The following IMPG2 variants were observed in gnomAD, a reference collection of about 807,000 sequenced individuals.
The protein encoded by IMPG2 is interphotoreceptor matrix proteoglycan 2.
Under a neutral mutation model 129.2 loss-of-function variants are expected in IMPG2, and 91 were observed. The observed-to-expected ratio is 0.70, with a 90% CI of 0.59 to 0.84. The LOEUF (loss-of-function observed/expected upper bound fraction) is 0.84, where lower values mean the gene tolerates loss of function less well. Among genes scored for constraint, IMPG2 ranks in the 40% least tolerant of loss-of-function variants. The probability of loss-of-function intolerance (pLI) is 0.00; values close to 1 mark genes in which losing one functional copy is unlikely to be tolerated. For synonymous variants in IMPG2, 510 were observed against 517.7 expected (o/e 0.99, Z 0.20); for missense variants, 1,430 against 1,461.7 (o/e 0.98, Z 0.35).
chr3:101,308,343 C>T (rs1707225957), intron 2 of IMPG2, among the ~76,000 whole-genome samples: 1 of 152,244 alleles, frequency 6.6e-6, no homozygotes, highest in East Asian at 1.9e-4. Flanking sequence ...ATGAGGGCTC[C>T]ACCCCTGCAA....
At chr3:101,286,194 G>C (rs1329203078) in intron 4 of IMPG2, among the ~76,000 whole-genome samples, 1 of 151,792 alleles carries the variant, frequency 6.6e-6, no homozygotes, top group Admixed American at 6.6e-5. Context: ...ACAATGTCTG[G>C]CCTATAACTA....
intron 3 of IMPG2, among the ~76,000 whole-genome samples, chr3:101,291,861 A>G (rs1177633710): frequency 6.6e-6 from 1 of 152,202 alleles, no homozygotes; most frequent in Non-Finnish European, 1.5e-5. Context: ...ATAATTTTTT[A>G]TCTAATGTAT....
intron 4 of IMPG2, among the ~76,000 whole-genome samples, chr3:101,290,445 G>A (rs771393015): frequency 1.6e-4 from 25 of 152,152 alleles, no homozygotes; most frequent in Non-Finnish European, 3.1e-4. Context: ...GGAGCACGAG[G>A]CTGCAGTGAG....
intron 2 of IMPG2, among the ~76,000 whole-genome samples, chr3:101,313,848 A>G (rs2058769087): frequency 6.6e-6 from 1 of 152,148 alleles, no homozygotes; most frequent in South Asian, 2.1e-4. Flanking sequence ...TAAGGAATAT[A>G]CCCAAAAAAG....
At chr3:101,262,928 G>A (rs1488639320) in intron 9 of IMPG2, among the ~76,000 whole-genome samples, 1 of 151,644 alleles carries the variant, frequency 6.6e-6, no homozygotes, top group Non-Finnish European at 1.5e-5. Context: ...CAGACTTCAA[G>A]TCCAAAGTTG....
At chr3:101,263,365 A>C (rs1390845430) in intron 9 of IMPG2, among the ~76,000 whole-genome samples, 1 of 152,034 alleles carries the variant, frequency 6.6e-6, no homozygotes, top group Non-Finnish European at 1.5e-5. Context: ...ATCTTACCTG[A>C]CCACAATGGA....
At chr3:101,319,097 G>C (rs1157833491) in intron 2 of IMPG2, among the ~76,000 whole-genome samples, 1 of 152,006 alleles carries the variant, frequency 6.6e-6, no homozygotes, top group Non-Finnish European at 1.5e-5. Context: ...AAGCTATTTT[G>C]TGGGTATACT....
chr3:101,267,287 C>T (rs1352078285), intron 9 of IMPG2, among the ~76,000 whole-genome samples: 1 of 152,102 alleles, frequency 6.6e-6, no homozygotes, highest in Non-Finnish European at 1.5e-5. Flanking sequence ...CTGATAGTGG[C>T]AGAATTGAGT....
rs958298295 is a variant in IMPG2 at position 101,244,889 on chromosome 3, G to A, written c.1544-102C>T. 1.5e-4 allele frequency: 149 copies of A among 979,850 alleles called. 1 individual carries two copies. The highest frequency in any genetic ancestry group is 2.1e-4 in the Non-Finnish European group (136 of 636,734). The allele number at this position is 979,850 out of a possible 1,614,324, so 60.7% of individuals were successfully genotyped here. On this transcript the variant is annotated intron_variant, in intron 12 of 18. Coordinates refer to ENST00000193391, the MANE Select transcript of IMPG2 (RefSeq NM_016247.4). Reference sequence around the variant, plus strand: ...GCCTGTTTTTTCCCTGTGAAGTTAAGAGGGACAATTGTTGACTTTTGCTTT... The same window carrying A: ...GCCTGTTTTTTCCCTGTGAAGTTAAAAGGGACAATTGTTGACTTTTGCTTT...
At chr3:101,304,461 G>C in intron 2 of IMPG2, 149 bp from the exon 3 acceptor site, 1 of 702,848 alleles carries the variant, frequency 1.4e-6, no homozygotes, top group Middle Eastern at 2.5e-4. Flanking sequence ...AAGGCCTTCT[G>C]TATGTATGTC....
rs1446576136 is a variant in IMPG2, at chr3:101,304,294, C to T, written c.353G>A (p.Trp118Ter). Residue 118 changes from tryptophan to a stop codon, truncating the protein, a stop_gained, in exon 3 of 19, where the codon TGG (tryptophan) becomes TAG (stop). Coordinates refer to ENST00000193391, the MANE Select transcript of IMPG2 (RefSeq NM_016247.4). LOFTEE classifies it high-confidence loss of function. ...FKVRVCQEAV[W>*]EAFRTFWDRL... ...ATCCCAAAAAGTCCTGAAGGCTTCC[C>T]AGACAGCTTCCTGACACACTAGAAA... is the stretch of plus-strand genomic sequence containing the variant. 1 of 1,613,736 alleles carries T rather than the reference C, an allele frequency of 6.2e-7. No homozygotes were observed. The highest frequency in any genetic ancestry group is 1.3e-5 in the African/African-American group (1 of 74,932).
chr3:101,233,015 T>C, intron 14 of IMPG2, 24 bp from the exon 15 acceptor site: 3 of 1,611,364 alleles, frequency 1.9e-6, no homozygotes, highest in Non-Finnish European at 2.5e-6. Context: ...CAAAGAATAA[T>C]GCAAGAAAAG....
chr3:101,256,189 G>GAAAGAAAGAAAGAAAGAAAGAAAGAAAGA (rs1706603356), intron 10 of IMPG2, among the ~76,000 whole-genome samples: 2 of 147,310 alleles, frequency 1.4e-5, no homozygotes, highest in African/African-American at 5.0e-5. Flanking sequence ...AAGAAAGAAA[G>GAAAGAAAGAAAGAAAGAAAGAAAGAAAGA]AAAGAAAGAA....
At chr3:101,304,052 G>C in intron 3 of IMPG2, 94 bp downstream of exon 3, 1 of 1,300,844 alleles carries the variant, frequency 7.7e-7, no homozygotes, top group Non-Finnish European at 1.1e-6. Context: ...GAGTAATACA[G>C]GCATTTGCCA....
At chr3:101,314,123 A>ACTCC (rs2058770652) in intron 2 of IMPG2, among the ~76,000 whole-genome samples, 1 of 152,138 alleles carries the variant, frequency 6.6e-6, no homozygotes, top group Middle Eastern at 3.4e-3. Context: ...TGGCCCTAGA[A>ACTCC]CTCTTAGCCA....
chr3:101,288,399 C>T (rs1185852647), intron 4 of IMPG2, among the ~76,000 whole-genome samples: 1 of 152,022 alleles, frequency 6.6e-6, no homozygotes, highest in Non-Finnish European at 1.5e-5. Context: ...GCCACATGCA[C>T]TCATATGTTC....
chr3:101,240,067 TAA>T, intron 14 of IMPG2, among the ~76,000 whole-genome samples: 1 of 146,350 alleles, frequency 6.8e-6, no homozygotes, highest in African/African-American at 2.5e-5. Flanking sequence ...TGAAGTATAA[TAA>T]AAAAAAAAAC....
intron 11 of IMPG2, among the ~76,000 whole-genome samples, chr3:101,250,923 A>G (rs1706536878): frequency 6.6e-6 from 1 of 152,202 alleles, no homozygotes; most frequent in Non-Finnish European, 1.5e-5. Flanking sequence ...AAAGAAGGCC[A>G]TTTGCTCAAT....
chr3:101,269,778 A>G (rs1706760318), intron 7 of IMPG2, among the ~76,000 whole-genome samples: 1 of 152,040 alleles, frequency 6.6e-6, no homozygotes, highest in Admixed American at 6.5e-5. Context: ...TTTGTCTTTC[A>G]AGGTTTCAAT....
Sources: allele counts gnomAD v4.1 joint callset (sites outside exome capture counted in the v4.1 genomes callset), GRCh38; gene constraint gnomAD v4.1.1; transcripts MANE v1.5; gene names NCBI Gene and HGNC (gene_info 2026-07-23, HGNC 2026-07-21).